PDE1C: variants seen among roughly 807,000 people sequenced by gnomAD.
PDE1C encodes the protein phosphodiesterase 1C.
Under a neutral mutation model 93.1 loss-of-function variants are expected in PDE1C, and 62 were observed. That is an observed-to-expected ratio of 0.67 (90% CI 0.54 to 0.82). The LOEUF is 0.82. Ranked by LOEUF, PDE1C falls within the 40% of genes least tolerant of loss-of-function variation. The pLI, the probability that PDE1C is intolerant of heterozygous loss-of-function variation, is 0.00. For missense variants in PDE1C, 742 were observed against 884.6 expected (o/e 0.84, Z 2.04); for synonymous variants, 325 against 310.1 (o/e 1.05, Z -0.50).
intron 1 of PDE1C, among the ~76,000 whole-genome samples, chr7:32,305,092 G>C (rs572990647): frequency 3.3e-5 from 5 of 152,272 alleles, no homozygotes; most frequent in African/African-American, 7.2e-5. Context: ...GAAACTCATG[G>C]GCTTTCTGAG....
intron 3 of PDE1C, among the ~76,000 whole-genome samples, chr7:32,163,776 T>A (rs191640866): frequency 8.5e-5 from 13 of 152,274 alleles, no homozygotes; most frequent in African/African-American, 2.6e-4. Context: ...ACAGCCAGCA[T>A]CACTCACAAA....
the PDE1C span, chr7:31,707,480 T>A: frequency 3.7e-6 from 2 of 542,980 alleles, no homozygotes; most frequent in African/African-American, 1.9e-5. Context: ...GTATGGTTTC[T>A]ATTCTGTGTT....
In PDE1C at chr7:32,324,106, T is replaced by C. The variant is rs540787132; in HGVS notation, c.310+103716A>G. Among the ~76,000 whole-genome samples the C allele has an allele frequency of 3.3e-5, 5 of 152,368 alleles. 1 individual carries two copies. The South Asian group carries it at 1.0e-3, about 32-fold the overall frequency. On this transcript the variant is annotated intron_variant, in intron 1 of 1. Coordinates refer to the PDE1C transcript ENST00000672256. ...AAATTAGAATATTTTGTGATACATGTACATTATGTAAAATTCAAATTTCAA... is the reference window on the plus strand; with the variant it reads ...AAATTAGAATATTTTGTGATACATGCACATTATGTAAAATTCAAATTTCAA...
chr7:31,776,470 C>T (rs1049490044), intron 16 of PDE1C, among the ~76,000 whole-genome samples: 2 of 151,964 alleles, frequency 1.3e-5, no homozygotes, highest in African/African-American at 2.4e-5. Context: ...TAATGGGTCA[C>T]GAGGCAATGA....
At chr7:32,331,732 G>T (rs1379680205) in intron 1 of PDE1C, among the ~76,000 whole-genome samples, 1 of 152,208 alleles carries the variant, frequency 6.6e-6, no homozygotes, top group Non-Finnish European at 1.5e-5. Context: ...TACTTGAGAA[G>T]TGAGAACTTG....
chr7:31,708,738 C>T, the PDE1C span, among the ~76,000 whole-genome samples: 3 of 152,196 alleles, frequency 2.0e-5, no homozygotes, highest in Non-Finnish European at 2.9e-5. Context: ...GAACTGAGTA[C>T]TGGATGCCCA....
rs77729884 is a variant in PDE1C at position 32,225,055 on chromosome 7, C to G, written c.86-15516G>C. Among the ~76,000 whole-genome samples the G allele has an allele frequency of 2.5e-3, 383 of 151,366 alleles. 1 individual carries two copies. The highest frequency in any genetic ancestry group is 8.9e-3 in the African/African-American group (366 of 41,252). Reference sequence around the variant, plus strand: ...AAAAAAAGACTATTAAAATATACGACTAAGTATTTGTGAGTCGGAAAGAAA... The same window carrying G: ...AAAAAAAGACTATTAAAATATACGAGTAAGTATTTGTGAGTCGGAAAGAAA... On this transcript the variant is annotated intron_variant, in intron 1 of 18. Coordinates refer to the PDE1C transcript ENST00000396193.
chr7:32,083,644 G>T (rs1406695766), intron 3 of PDE1C, among the ~76,000 whole-genome samples: 1 of 152,208 alleles, frequency 6.6e-6, no homozygotes, highest in African/African-American at 2.4e-5. Context: ...CAGACTAACA[G>T]CAGATCTCTC....
intron 1 of PDE1C, among the ~76,000 whole-genome samples, chr7:32,349,612 C>G (rs2128082509): frequency 6.6e-6 from 1 of 152,168 alleles, no homozygotes; most frequent in African/African-American, 2.4e-5. Context: ...AGAGCTGTCT[C>G]CTATATTCAT....
intron 2 of PDE1C, among the ~76,000 whole-genome samples, chr7:32,185,869 T>C (rs1486156497): frequency 6.6e-6 from 1 of 152,220 alleles, no homozygotes; most frequent in Non-Finnish European, 1.5e-5. Context: ...CTGTATTGCA[T>C]AGCACCAACA....
chr7:32,158,525 A>T (rs908876953), intron 3 of PDE1C, among the ~76,000 whole-genome samples: 6 of 152,182 alleles, frequency 3.9e-5, no homozygotes, highest in Admixed American at 2.6e-4. Context: ...GATGTAATTT[A>T]AAAAATGGTC....
chr7:32,361,649 C>A (rs1480809755), intron 1 of PDE1C, among the ~76,000 whole-genome samples: 2 of 152,196 alleles, frequency 1.3e-5, no homozygotes, highest in Non-Finnish European at 2.9e-5. Flanking sequence ...AGGTCCACCT[C>A]AGCTGCCCTT....
chr7:32,174,568 G>C (rs368428458), intron 2 of PDE1C, among the ~76,000 whole-genome samples: 1 of 152,158 alleles, frequency 6.6e-6, no homozygotes, highest in Non-Finnish European at 1.5e-5. Context: ...GCTCAGAGGC[G>C]TAACAAAGCA....
At chr7:31,955,707 C>T (rs1808035510) in intron 2 of PDE1C, among the ~76,000 whole-genome samples, 1 of 152,130 alleles carries the variant, frequency 6.6e-6, no homozygotes, top group Non-Finnish European at 1.5e-5. Context: ...ACCCAACTAT[C>T]TCATTTGAAA....
intron 1 of PDE1C, among the ~76,000 whole-genome samples, chr7:32,320,556 A>G (rs1298548584): frequency 6.6e-6 from 1 of 152,100 alleles, no homozygotes; most frequent in Non-Finnish European, 1.5e-5. Context: ...TATGCAAGGA[A>G]TTGTTCTAGG....
intron 1 of PDE1C, among the ~76,000 whole-genome samples, chr7:32,355,264 T>C: frequency 6.6e-6 from 1 of 152,206 alleles, no homozygotes; most frequent in East Asian, 1.9e-4. Context: ...TCTGATTCTA[T>C]GGGAAGGCAA....
At chr7:32,272,421 T>G (rs1275478259) in intron 1 of PDE1C, among the ~76,000 whole-genome samples, 1 of 152,252 alleles carries the variant, frequency 6.6e-6, no homozygotes, top group Non-Finnish European at 1.5e-5. Flanking sequence ...CTCATTGAAC[T>G]AATGAAGATG....
chr7:32,169,910 G>A (rs1292861841), exon 3 of PDE1C: 1 of 1,612,456 alleles, frequency 6.2e-7, no homozygotes, highest in African/African-American at 1.3e-5. Context: ...CATTCCCTGT[G>A]AGCCCATCGA....
intron 2 of PDE1C, among the ~76,000 whole-genome samples, chr7:31,936,380 T>C (rs1296200931): frequency 6.6e-6 from 1 of 151,548 alleles, no homozygotes; most frequent in Non-Finnish European, 1.5e-5. Flanking sequence ...CTCAACAATA[T>C]GCCCTTACAA....
Sources: gnomAD v4.1 joint callset for allele counts (sites outside exome capture counted in the v4.1 genomes callset) on GRCh38, gnomAD v4.1.1 for gene constraint, MANE v1.5 for transcripts, NCBI Gene and HGNC (gene_info 2026-07-23, HGNC 2026-07-21) for gene names.